The following PAK5 variants were observed in gnomAD, a reference collection of about 807,000 sequenced individuals.
The protein encoded by PAK5 is p21 (RAC1) activated kinase 5.
Under a neutral mutation model 65.9 loss-of-function variants are expected in PAK5, and 16 were observed. The ratio of observed to expected loss-of-function variants is 0.24; its 90% CI spans 0.16 to 0.37. The LOEUF is 0.37. PAK5 is among the 10% of genes least tolerant of loss of function. The pLI, the probability that PAK5 is intolerant of heterozygous loss-of-function variation, is 1.00. For missense variants in PAK5, 785 were observed against 903.9 expected (o/e 0.87, Z 1.69); for synonymous variants, 371 against 354.9 (o/e 1.05, Z -0.51).
chr20:9,782,020 G>C (rs2048945810), intron 1 of PAK5, among the ~76,000 whole-genome samples: 1 of 152,090 alleles, frequency 6.6e-6, no homozygotes. Context: ...AGTAAAATCT[G>C]TCTTTGCAAT....
At chr20:9,600,084 G>A (rs899172667) in intron 3 of PAK5, among the ~76,000 whole-genome samples, 1 of 152,010 alleles carries the variant, frequency 6.6e-6, no homozygotes, top group Non-Finnish European at 1.5e-5. Context: ...CAGTTCTCCC[G>A]GCGTTATTTG....
chr20:9,608,420 G>A (rs893166924), intron 3 of PAK5, among the ~76,000 whole-genome samples: 12 of 152,196 alleles, frequency 7.9e-5, no homozygotes, highest in African/African-American at 2.2e-4. Flanking sequence ...GGACTCCAGC[G>A]CTTGGAGGAC....
At chr20:9,648,927 G>A (rs1378035441) in intron 2 of PAK5, among the ~76,000 whole-genome samples, 4 of 152,048 alleles carry the variant, frequency 2.6e-5, no homozygotes, top group Non-Finnish European at 4.4e-5. Flanking sequence ...CACTGAGCAG[G>A]TGAAGCTGAG....
intron 3 of PAK5, among the ~76,000 whole-genome samples, chr20:9,631,982 C>A (rs1295199458): frequency 6.6e-6 from 1 of 152,176 alleles, no homozygotes; most frequent in Non-Finnish European, 1.5e-5. Flanking sequence ...CCTCTAGCTG[C>A]CATCTTAGTG....
chr20:9,713,484 AC>A (rs1474363947), intron 1 of PAK5, among the ~76,000 whole-genome samples: 1 of 152,150 alleles, frequency 6.6e-6, no homozygotes, highest in Admixed American at 6.5e-5. Context: ...AAATAGAACT[AC>A]CATACAATCC....
At chr20:9,617,175 A>T (rs2046672354) in intron 3 of PAK5, among the ~76,000 whole-genome samples, 1 of 152,228 alleles carries the variant, frequency 6.6e-6, no homozygotes, top group Non-Finnish European at 1.5e-5. Context: ...TATAACTGGT[A>T]ACCCTGCCAA....
At chr20:9,652,274 C>T (rs910798242) in intron 2 of PAK5, among the ~76,000 whole-genome samples, 17 of 152,276 alleles carry the variant, frequency 1.1e-4, no homozygotes, top group African/African-American at 4.1e-4. Context: ...CTCAGATATA[C>T]ATTTATTATA....
intron 3 of PAK5, among the ~76,000 whole-genome samples, chr20:9,603,125 G>A (rs989576058): frequency 7.2e-5 from 11 of 152,184 alleles, no homozygotes; most frequent in Admixed American, 6.5e-5. Flanking sequence ...TGCCCTGGAG[G>A]GGAAAGATTA....
chr20:9,573,812 C>T (rs1045276139), intron 4 of PAK5, among the ~76,000 whole-genome samples: 2 of 152,238 alleles, frequency 1.3e-5, no homozygotes, highest in African/African-American at 2.4e-5. Context: ...CGGAATGTTC[C>T]GTGAAGGATG....
intron 3 of PAK5, among the ~76,000 whole-genome samples, chr20:9,599,987 G>A (rs1323031250): frequency 1.3e-5 from 2 of 152,062 alleles, no homozygotes; most frequent in Non-Finnish European, 2.9e-5. Context: ...TTTAACTTCT[G>A]TGGTTACATT....
intron 1 of PAK5, among the ~76,000 whole-genome samples, chr20:9,786,097 C>G (rs2048989965): frequency 6.6e-6 from 1 of 152,030 alleles, no homozygotes; most frequent in Admixed American, 6.6e-5. Flanking sequence ...GGAATCACAG[C>G]CTGATTCCAG....
chr20:9,659,005 GT>G (rs1439625390), intron 2 of PAK5, among the ~76,000 whole-genome samples: 3 of 152,084 alleles, frequency 2.0e-5, no homozygotes, highest in Non-Finnish European at 2.9e-5. Context: ...CCACCAACAG[GT>G]AAAAAGCCCC....
At position 9,557,741 on chromosome 20, in the gene PAK5, A is replaced by G; in HGVS notation, c.1617-7T>C. 1 of 1,609,956 alleles carries G rather than the reference A, an allele frequency of 6.2e-7. No individual in the cohort carries two copies. The highest frequency in any genetic ancestry group is 2.2e-5 in the East Asian group (1 of 44,796). On this transcript the variant is annotated splice_polypyrimidine_tract_variant and splice_region_variant and intron_variant, in intron 6 of 9. Coordinates refer to ENST00000353224, the MANE Select transcript of PAK5 (RefSeq NM_177990.4). ...TATCTGTTCTTCATTCATTCTGGAA[A>G]GGAAATAACATTTAAGGAACAAGAC...
intron 2 of PAK5, among the ~76,000 whole-genome samples, chr20:9,695,114 AT>A (rs1219256808): frequency 6.6e-6 from 1 of 151,704 alleles, no homozygotes; most frequent in Non-Finnish European, 1.5e-5. Flanking sequence ...TTGTGGCTTT[AT>A]TTTGCATTTC....
intron 1 of PAK5, among the ~76,000 whole-genome samples, chr20:9,792,505 G>C (rs1227011938): frequency 6.6e-6 from 1 of 152,162 alleles, no homozygotes; most frequent in East Asian, 1.9e-4. Flanking sequence ...ATTTTCACAT[G>C]AGGAAATATC....
rs1287765274 is a variant in PAK5, at chr20:9,766,429, TCAAGCA to T, written c.-161-55000_-161-54995del. 4.5e-3 allele frequency among the ~76,000 whole-genome samples: 246 copies of T among 54,936 alleles called. 46 individuals are homozygous for T. Among genetic ancestry groups the T allele is most frequent in the African/African-American group, 0.021 (187 of 8,748 alleles). The allele number at this position is 54,936 out of a possible 152,430, so 36.0% of individuals were successfully genotyped here. A position where few individuals can be genotyped will look rare whatever the true frequency, so the allele number is the denominator to read the frequency against. Reference sequence around the variant, plus strand: ...GCAGAATATATATGTATATATATATTCAAGCAGAATATATATGTATATATATATTCA... The same window carrying T: ...GCAGAATATATATGTATATATATATTGAATATATATGTATATATATATTCA... On this transcript the variant is annotated intron_variant, in intron 1 of 9. Transcript: ENST00000353224.
chr20:9,700,551 T>A (rs1699460012), intron 2 of PAK5, among the ~76,000 whole-genome samples: 1 of 152,230 alleles, frequency 6.6e-6, no homozygotes, highest in Admixed American at 6.5e-5. Context: ...CTAGTTTTCC[T>A]TGGGTATACA....
intron 1 of PAK5, among the ~76,000 whole-genome samples, chr20:9,768,135 T>G (rs2048790604): frequency 6.6e-6 from 1 of 152,202 alleles, no homozygotes; most frequent in African/African-American, 2.4e-5. Flanking sequence ...GGGCACGTAA[T>G]AGTAATATAA....
chr20:9,781,772 A>G (rs1055457647), intron 1 of PAK5, among the ~76,000 whole-genome samples: 2 of 151,952 alleles, frequency 1.3e-5, no homozygotes, highest in Non-Finnish European at 2.9e-5. Flanking sequence ...TGTTGGCTCT[A>G]TCTTCATAAA....
Sources: gnomAD v4.1 joint callset for allele counts (sites outside exome capture counted in the v4.1 genomes callset) on GRCh38, gnomAD v4.1.1 for gene constraint, MANE v1.5 for transcripts, NCBI Gene and HGNC (gene_info 2026-07-23, HGNC 2026-07-21) for gene names.